The following TMEM132C variants were observed in gnomAD, a reference collection of about 807,000 sequenced individuals.
TMEM132C encodes transmembrane protein 132C, also known as protein phosphatase 1, regulatory subunit 152.
A neutral mutation model predicts 61.4 loss-of-function variants in TMEM132C; 29 were observed. That is an observed-to-expected ratio of 0.47 (90% CI 0.35 to 0.64). TMEM132C has a LOEUF of 0.64. TMEM132C is among the 30% of genes least tolerant of loss of function. The pLI is 0.00. For synonymous variants in TMEM132C, 656 were observed against 633.1 expected (o/e 1.04, Z -0.54); for missense variants, 1,408 against 1,476.9 (o/e 0.95, Z 0.76).
chr12:128,569,122 C>G (rs1324554925), intron 3 of TMEM132C, among the ~76,000 whole-genome samples: 1 of 152,076 alleles, frequency 6.6e-6, no homozygotes, highest in African/African-American at 2.4e-5. Flanking sequence ...AGCGGTCAAC[C>G]CAGTTCTCTG....
intron 4 of TMEM132C, among the ~76,000 whole-genome samples, chr12:128,640,686 A>T (rs963034405): frequency 6.6e-6 from 1 of 152,232 alleles, no homozygotes; most frequent in Non-Finnish European, 1.5e-5. Flanking sequence ...ACTTGAACCC[A>T]GGAGTTCAAG....
intron 5 of TMEM132C, among the ~76,000 whole-genome samples, chr12:128,671,777 T>C (rs1404231627): frequency 6.6e-6 from 1 of 152,188 alleles, no homozygotes; most frequent in Non-Finnish European, 1.5e-5. Context: ...CCATATACTA[T>C]GACGATTCTT....
rs578108194 is a variant in TMEM132C at position 128,620,735 on chromosome 12, C to A, written c.1305+4400C>A. On this transcript the variant is annotated intron_variant, in intron 4 of 8. Transcript: ENST00000435159. ...GTTTCAAATCATTGCCATTTTTCAT[C>A]CTTTGCAAACTCATTATGAAATCAT... is the stretch of plus-strand genomic sequence containing the variant. Among the ~76,000 whole-genome samples the A allele has an allele frequency of 2.0e-5, 3 of 151,962 alleles. No individual in the cohort carries two copies. In the South Asian group the frequency reaches 6.2e-4, roughly 32 times the overall value.
At chr12:128,510,253 C>T (rs1234935753) in intron 2 of TMEM132C, among the ~76,000 whole-genome samples, 2 of 152,136 alleles carry the variant, frequency 1.3e-5, no homozygotes, top group Non-Finnish European at 2.9e-5. Flanking sequence ...TATGTGATCT[C>T]TTTCTGTTGG....
chr12:128,638,322 G>A (rs1034525417), intron 4 of TMEM132C, among the ~76,000 whole-genome samples: 4 of 152,104 alleles, frequency 2.6e-5, no homozygotes, highest in African/African-American at 9.7e-5. Context: ...GTAATCCTGG[G>A]GCACCTAACC....
At chr12:128,384,359 C>T (rs763680577) in intron 1 of TMEM132C, among the ~76,000 whole-genome samples, 90 of 152,266 alleles carry the variant, frequency 5.9e-4, no homozygotes, top group Non-Finnish European at 7.6e-4. Flanking sequence ...GGTGGCTCCT[C>T]CAGCAGTTGT....
intron 1 of TMEM132C, among the ~76,000 whole-genome samples, chr12:128,329,414 A>G (rs1872613748): frequency 6.6e-6 from 1 of 152,192 alleles, no homozygotes; most frequent in Non-Finnish European, 1.5e-5. Flanking sequence ...CCTTCTGGCC[A>G]TTTGTACAAG....
At chr12:128,666,012 C>CAT (rs1954466174) in intron 4 of TMEM132C, among the ~76,000 whole-genome samples, 1 of 135,776 alleles carries the variant, frequency 7.4e-6, no homozygotes. Context: ...CAGGCACACA[C>CAT]ACATTCACAG....
intron 2 of TMEM132C, among the ~76,000 whole-genome samples, chr12:128,543,518 G>A (rs998714007): frequency 3.3e-5 from 5 of 152,052 alleles, no homozygotes; most frequent in Admixed American, 6.5e-5. Context: ...GTTTAGCTAC[G>A]TTCCTCCTTT....
At chr12:128,387,305 G>A (rs561230118) in intron 1 of TMEM132C, among the ~76,000 whole-genome samples, 2 of 152,194 alleles carry the variant, frequency 1.3e-5, no homozygotes, top group South Asian at 2.1e-4. Flanking sequence ...GGATGCTGGC[G>A]TGGAGGTTGC....
chr12:128,396,390 G>GTT (rs1874958047), intron 1 of TMEM132C, among the ~76,000 whole-genome samples: 1 of 151,910 alleles, frequency 6.6e-6, no homozygotes, highest in African/African-American at 2.4e-5. Flanking sequence ...TGTCGTGGGG[G>GTT]TGAGGGGCAG....
intron 2 of TMEM132C, among the ~76,000 whole-genome samples, chr12:128,467,187 G>A (rs1377911167): frequency 1.3e-5 from 2 of 152,154 alleles, no homozygotes; most frequent in East Asian, 1.9e-4. Flanking sequence ...CTATTTATAT[G>A]TGCCATCATC....
intron 2 of TMEM132C, among the ~76,000 whole-genome samples, chr12:128,436,667 G>C (rs1265977486): frequency 6.6e-6 from 1 of 152,202 alleles, no homozygotes; most frequent in Non-Finnish European, 1.5e-5. Context: ...AGAGGATGTG[G>C]AGAAATAGGA....
chr12:128,438,243 G>A (rs910244449), intron 2 of TMEM132C: 2 of 152,102 alleles, frequency 1.3e-5, no homozygotes, highest in African/African-American at 4.8e-5. Context: ...CTAATGGGGG[G>A]TGTTTGGGTC....
intron 4 of TMEM132C, among the ~76,000 whole-genome samples, chr12:128,634,715 C>T (rs546509056): frequency 2.0e-5 from 3 of 152,352 alleles, no homozygotes; most frequent in South Asian, 4.1e-4. Context: ...CACTTTCCTT[C>T]GTTACAGAGA....
Position 128,697,245 on chromosome 12 carries a change from T to G in TMEM132C, c.1951T>G (p.Ser651Ala). The G allele has an allele frequency of 6.5e-7, 1 of 1,529,720 alleles. No individual in the cohort carries two copies. The highest frequency in any genetic ancestry group is 8.9e-7 in the Non-Finnish European group (1 of 1,129,594). The allele number at this position is 1,529,720 out of a possible 1,614,324, so 94.8% of individuals were successfully genotyped here. ...TIQVLSPLSD[S>A]ILAEKTITVL... ...ACAGGTGTTGTCTCCACTGTCTGAC[T>G]CCATCCTGGCAGAGAAGACAATAAC... The change falls in exon 8 of 9, where the codon TCC becomes GCC. Residue 651 changes from serine to alanine, a missense_variant. Transcript: ENST00000435159.
chr12:128,588,595 C>T (rs746100785), intron 3 of TMEM132C, among the ~76,000 whole-genome samples: 1 of 152,074 alleles, frequency 6.6e-6, no homozygotes, highest in Non-Finnish European at 1.5e-5. Flanking sequence ...TTGTGTCCCC[C>T]CCACTCACAA....
intron 1 of TMEM132C, among the ~76,000 whole-genome samples, chr12:128,373,960 A>T (rs1446531317): frequency 6.6e-6 from 1 of 152,196 alleles, no homozygotes; most frequent in Non-Finnish European, 1.5e-5. Flanking sequence ...AGTGGGATTT[A>T]AGACATGGGC....
chr12:128,562,283 T>C (rs189814955), intron 3 of TMEM132C, among the ~76,000 whole-genome samples: 40 of 152,306 alleles, frequency 2.6e-4, no homozygotes, highest in Non-Finnish European at 1.0e-4. Flanking sequence ...AAAGAGACAG[T>C]CTCTTAACAT....
Sources: allele counts gnomAD v4.1 joint callset (sites outside exome capture counted in the v4.1 genomes callset), GRCh38; gene constraint gnomAD v4.1.1; transcripts MANE v1.5; gene names NCBI Gene and HGNC (gene_info 2026-07-23, HGNC 2026-07-21).